SETBP1: variants seen among roughly 807,000 people sequenced by gnomAD.
The protein encoded by SETBP1 is SET-binding protein.
Under a neutral mutation model 101.0 loss-of-function variants are expected in SETBP1, and 9 were observed. The ratio of observed to expected loss-of-function variants is 0.09; its 90% CI spans 0.05 to 0.16. The LOEUF (loss-of-function observed/expected upper bound fraction) is 0.16. Ranked by LOEUF, SETBP1 falls within the 10% of genes least tolerant of loss-of-function variation. The pLI, the probability that SETBP1 is intolerant of heterozygous loss-of-function variation, is 1.00. For synonymous variants in SETBP1, 818 were observed against 788.5 expected, an observed-to-expected ratio of 1.04 and a Z score of -0.63; for missense variants, 1,858 against 2,033.8, an observed-to-expected ratio of 0.91 and a Z score of 1.66.
At chr18:44,747,503 G>A (rs1394382117) in intron 2 of SETBP1, among the ~76,000 whole-genome samples, 1 of 152,250 alleles carries the variant, frequency 6.6e-6, no homozygotes, top group Non-Finnish European at 1.5e-5. Context: ...TGGCAGGGAG[G>A]AGCTTTAACC....
intron 2 of SETBP1, among the ~76,000 whole-genome samples, chr18:44,722,643 G>A (rs1257561097): frequency 7.2e-5 from 11 of 152,198 alleles, no homozygotes; most frequent in Non-Finnish European, 1.6e-4. Flanking sequence ...CCAGTGGTGA[G>A]CATCACGTGC....
intron 2 of SETBP1, among the ~76,000 whole-genome samples, chr18:44,736,564 G>A (rs1401985712): frequency 6.6e-6 from 1 of 151,976 alleles, no homozygotes; most frequent in Non-Finnish European, 1.5e-5. Context: ...TCTCTTTTTT[G>A]TGCCACATGG....
chr18:45,035,887 C>T (rs1191377633), intron 4 of SETBP1, among the ~76,000 whole-genome samples: 2 of 152,202 alleles, frequency 1.3e-5, no homozygotes, highest in Non-Finnish European at 2.9e-5. Context: ...TGCCCATTAT[C>T]AGACTTTTTA....
intron 2 of SETBP1, among the ~76,000 whole-genome samples, chr18:44,848,511 C>A (rs1163512326): frequency 2.0e-5 from 3 of 152,134 alleles, no homozygotes; most frequent in Non-Finnish European, 4.4e-5. Context: ...ATATCGTGGG[C>A]TAGAAGTCAC....
chr18:44,682,967 T>G (rs1447147564), intron 1 of SETBP1, among the ~76,000 whole-genome samples: 14 of 151,276 alleles, frequency 9.3e-5, no homozygotes, highest in Non-Finnish European at 7.4e-5. Context: ...TCGTCTCTCT[T>G]AGCTGGGAAA....
intron 5 of SETBP1, among the ~76,000 whole-genome samples, chr18:45,042,077 G>C (rs1167787660): frequency 6.6e-6 from 1 of 151,538 alleles, no homozygotes; most frequent in African/African-American, 2.4e-5. Flanking sequence ...AGAGGCAGTA[G>C]CTGTATGCTT....
intron 3 of SETBP1, among the ~76,000 whole-genome samples, chr18:44,911,572 C>A (rs1362016735): frequency 6.6e-6 from 1 of 152,150 alleles, no homozygotes; most frequent in African/African-American, 2.4e-5. Flanking sequence ...GCATTTTATC[C>A]AAGTTATAGA....
intron 2 of SETBP1, among the ~76,000 whole-genome samples, chr18:44,754,973 T>C (rs2070460893): frequency 1.3e-5 from 2 of 152,248 alleles, no homozygotes; most frequent in African/African-American, 2.4e-5. Flanking sequence ...ATCATTATTC[T>C]GTCCTGGCAT....
intron 4 of SETBP1, among the ~76,000 whole-genome samples, chr18:45,024,985 G>A (rs757525939): frequency 9.2e-5 from 14 of 152,292 alleles, no homozygotes; most frequent in East Asian, 1.9e-4. Flanking sequence ...GAAGGGAGCC[G>A]CCTGGAGGCA....
chr18:44,950,398 A>G lies in SETBP1; in HGVS notation c.1058A>G (p.Asp353Gly), dbSNP rs559254343. 4 of 1,614,048 alleles carry G rather than the reference A, an allele frequency of 2.5e-6. No homozygotes were observed. Among genetic ancestry groups the G allele is most frequent in the Non-Finnish European group, 2.5e-6 (3 of 1,180,062 alleles). ...CAGACCATACCAAACCCAGACCTGG[A>G]TTGGGTCAAGAATGCCCAGAAAGCA... ...ISQTIPNPDLDWVKNAQKAFD... is the reference protein window; with the variant it reads ...ISQTIPNPDLGWVKNAQKAFD... Residue 353 changes from aspartate to glycine, a missense_variant, in exon 4 of 6, where the codon GAT becomes GGT. Asp to Gly is a moderately conservative substitution (Grantham distance 94, BLOSUM62 -1). Around this residue, in one of 12 missense-constraint regions of SETBP1, gnomAD observed 581 missense variants for 535.1 expected, o/e 1.09. Coordinates refer to ENST00000649279, the MANE Select transcript of SETBP1 (RefSeq NM_015559.3).
chr18:44,808,791 T>G (rs1277480791), intron 2 of SETBP1, among the ~76,000 whole-genome samples: 7 of 152,166 alleles, frequency 4.6e-5, no homozygotes, highest in African/African-American at 7.2e-5. Context: ...ATTTCAGAAA[T>G]TGATCAAGGA....
intron 3 of SETBP1, among the ~76,000 whole-genome samples, chr18:44,926,596 G>A (rs1454055460): frequency 6.6e-6 from 1 of 152,144 alleles, no homozygotes; most frequent in Non-Finnish European, 1.5e-5. Flanking sequence ...ACATGGTTAA[G>A]CTAGTGGATC....
At chr18:45,040,236 A>G (rs936841713) in intron 5 of SETBP1, among the ~76,000 whole-genome samples, 1 of 152,118 alleles carries the variant, frequency 6.6e-6, no homozygotes, top group Non-Finnish European at 1.5e-5. Flanking sequence ...GGCCAGGTAA[A>G]TGGTGCCAGT....
intron 2 of SETBP1, among the ~76,000 whole-genome samples, chr18:44,729,996 A>G (rs1249818008): frequency 2.0e-5 from 3 of 152,212 alleles, no homozygotes; most frequent in Non-Finnish European, 4.4e-5. Flanking sequence ...TAATCTTTGC[A>G]GAAGCCTGAG....
At chr18:44,999,171 G>T (rs1158519001) in intron 4 of SETBP1, among the ~76,000 whole-genome samples, 1 of 152,050 alleles carries the variant, frequency 6.6e-6, no homozygotes, top group African/African-American at 2.4e-5. Context: ...GTGATTCCAA[G>T]TTATCGGATG....
rs16978183 is a variant in SETBP1 at position 44,816,254 on chromosome 18, T to G, written c.487-52976T>G. Among the ~76,000 whole-genome samples the G allele has an allele frequency of 7.0e-3, 1,061 of 152,172 alleles. 13 individuals are homozygous for G. Among genetic ancestry groups the G allele is most frequent in the African/African-American group, 0.024 (999 of 41,520 alleles). On this transcript the variant is annotated intron_variant, in intron 2 of 5. Transcript: ENST00000649279. Reference sequence around the variant, plus strand: ...ATCTACTCATGGGTGGGAGGAGGTTTAGGGCAGACCCCTGAGAGGAGAGCG... The same window carrying G: ...ATCTACTCATGGGTGGGAGGAGGTTGAGGGCAGACCCCTGAGAGGAGAGCG...
At chr18:44,894,754 A>T (rs2069852429) in intron 3 of SETBP1, among the ~76,000 whole-genome samples, 1 of 151,992 alleles carries the variant, frequency 6.6e-6, no homozygotes, top group African/African-American at 2.4e-5. Context: ...AATCTCCAGG[A>T]ATCAACAAAG....
chr18:44,749,538 T>TTAGCAA (rs1410781063), intron 2 of SETBP1, among the ~76,000 whole-genome samples: 1 of 152,172 alleles, frequency 6.6e-6, no homozygotes, highest in African/African-American at 2.4e-5. Flanking sequence ...ATTTCTTCTT[T>TTAGCAA]TAGCAAGAAA....
At chr18:44,892,385 C>T (rs1171278016) in intron 3 of SETBP1, among the ~76,000 whole-genome samples, 1 of 152,174 alleles carries the variant, frequency 6.6e-6, no homozygotes, top group African/African-American at 2.4e-5. Context: ...TAAACAGACA[C>T]TCCAGGTGGT....
Sources: allele counts gnomAD v4.1 joint callset (sites outside exome capture counted in the v4.1 genomes callset), GRCh38; gene constraint gnomAD v4.1.1; regional missense constraint gnomAD v4.1.1; transcripts MANE v1.5; gene names NCBI Gene and HGNC (gene_info 2026-07-23, HGNC 2026-07-21).